Variants in SLC35F4 observed in about 807,000 individuals in gnomAD.
The protein encoded by SLC35F4 is chromosome 14 open reading frame 36.
In SLC35F4, 24 loss-of-function variants were observed where a neutral mutation model predicts 44.2. The observed-to-expected ratio is 0.54, with a 90% CI of 0.39 to 0.76. SLC35F4 has a LOEUF of 0.76. SLC35F4 is among the 30% of genes least tolerant of loss of function. The pLI is 0.00. For missense variants in SLC35F4, 562 were observed against 586.1 expected (o/e 0.96, Z 0.42); for synonymous variants, 238 against 223.6 (o/e 1.06, Z -0.57).
At chr14:57,827,052 T>A (rs1351837079) in intron 1 of SLC35F4, among the ~76,000 whole-genome samples, 2 of 152,168 alleles carry the variant, frequency 1.3e-5, no homozygotes, top group Admixed American at 1.3e-4. Context: ...TAAAGATATA[T>A]GCACACGTAT....
intron 4 of SLC35F4, among the ~76,000 whole-genome samples, chr14:57,576,128 A>G (rs1461614097): frequency 6.6e-6 from 1 of 152,126 alleles, no homozygotes; most frequent in African/African-American, 2.4e-5. Flanking sequence ...GGTTTTCACA[A>G]TTCTTATTTG....
chr14:57,789,065 A>T lies in SLC35F4; in HGVS notation c.103+76658T>A, dbSNP rs550986870. Among the ~76,000 whole-genome samples, 20 of 152,326 alleles carry T rather than the reference A, an allele frequency of 1.3e-4. No individual in the cohort carries two copies. The South Asian group carries it at 3.9e-3, about 30-fold the overall frequency. On this transcript the variant is annotated intron_variant, in intron 1 of 7. Transcript: ENST00000556826. ...ATGCCTACATGAGAAAGTGGGACAG[A>T]TCTAAAATCGACAACCTAACATCAC... is the stretch of plus-strand genomic sequence containing the variant.
intron 1 of SLC35F4, among the ~76,000 whole-genome samples, chr14:57,623,441 A>G (rs1007625668): frequency 2.0e-5 from 3 of 152,236 alleles, no homozygotes; most frequent in African/African-American, 7.2e-5. Flanking sequence ...ACTTGAACTC[A>G]GCTCTGGACC....
chr14:57,671,921 C>G (rs963788130), intron 1 of SLC35F4, among the ~76,000 whole-genome samples: 1 of 151,916 alleles, frequency 6.6e-6, no homozygotes, highest in Non-Finnish European at 1.5e-5. Flanking sequence ...ACATTTTTTT[C>G]TTGGTTTCTT....
intron 1 of SLC35F4, among the ~76,000 whole-genome samples, chr14:57,686,217 G>A (rs1566762537): frequency 6.6e-6 from 1 of 152,168 alleles, no homozygotes; most frequent in Non-Finnish European, 1.5e-5. Context: ...AATCTATTAA[G>A]AGATGAAAAT....
chr14:57,623,168 T>C (rs1373683488), intron 1 of SLC35F4, among the ~76,000 whole-genome samples: 2 of 152,078 alleles, frequency 1.3e-5, no homozygotes, highest in East Asian at 1.9e-4. Context: ...TCCTATTCTC[T>C]GAAAAAACCC....
intron 1 of SLC35F4, among the ~76,000 whole-genome samples, chr14:57,813,604 A>C (rs1395129382): frequency 6.6e-6 from 1 of 152,204 alleles, no homozygotes; most frequent in Admixed American, 6.5e-5. Context: ...CCTTATAAAA[A>C]GTATTTTATA....
chr14:57,571,948 G>A lies in SLC35F4; in HGVS notation c.879C>T (p.Ser293=). Residue 293 remains serine, a synonymous_variant, in exon 5 of 8, where the codon TCC becomes TCT. Coordinates refer to ENST00000556826, the MANE Select transcript of SLC35F4 (RefSeq NM_001306087.2). The part of the protein sequence containing the change: ...MAYADNFHAD[S]IIGVAFAVGS... ...CCACCGCAAATGCCACTCCTATGAT[G>A]GAATCAGCGTGGAAATTATCTGCAT... 6.2e-7 allele frequency: 1 copy of A among 1,612,552 alleles called. No individual in the cohort carries two copies. The highest frequency in any genetic ancestry group is 8.5e-7 in the Non-Finnish European group (1 of 1,179,254).
chr14:57,901,179 CA>C (rs1888993194), intron 1 of SLC35F4, among the ~76,000 whole-genome samples: 1 of 152,146 alleles, frequency 6.6e-6, no homozygotes, highest in Admixed American at 6.5e-5. Flanking sequence ...GGTATATATC[CA>C]AAGGATTAGA....
At chr14:57,776,004 C>T (rs1007923606) in intron 1 of SLC35F4, among the ~76,000 whole-genome samples, 5 of 152,094 alleles carry the variant, frequency 3.3e-5, no homozygotes, top group African/African-American at 1.2e-4. Context: ...TTTCATAATG[C>T]AACTGCAAGT....
At chr14:57,945,830 T>C (rs1890016119) in intron 1 of SLC35F4, among the ~76,000 whole-genome samples, 1 of 152,188 alleles carries the variant, frequency 6.6e-6, no homozygotes, top group Non-Finnish European at 1.5e-5. Context: ...AAGAGTAAGG[T>C]GGAATCGCAT....
At chr14:57,849,390 G>A (rs1434913331) in intron 1 of SLC35F4, among the ~76,000 whole-genome samples, 1 of 152,104 alleles carries the variant, frequency 6.6e-6, no homozygotes, top group Non-Finnish European at 1.5e-5. Flanking sequence ...TCGTACTCTC[G>A]ACCTCAGGTG....
At chr14:57,875,734 C>T (rs1382540678) in intron 1 of SLC35F4, among the ~76,000 whole-genome samples, 1 of 152,208 alleles carries the variant, frequency 6.6e-6, no homozygotes, top group Non-Finnish European at 1.5e-5. Flanking sequence ...CTTTCATATT[C>T]TATTGGCCAA....
intron 1 of SLC35F4, among the ~76,000 whole-genome samples, chr14:57,643,016 G>T: frequency 6.6e-6 from 1 of 151,736 alleles, no homozygotes; most frequent in Non-Finnish European, 1.5e-5. Flanking sequence ...TAATGGTTTA[G>T]CAAAAATTAT....
At chr14:57,624,386 T>C (rs1173451852) in intron 1 of SLC35F4, among the ~76,000 whole-genome samples, 2 of 152,206 alleles carry the variant, frequency 1.3e-5, no homozygotes, top group Non-Finnish European at 2.9e-5. Context: ...GAGGAGCTGG[T>C]ACCATTCCTT....
At chr14:57,776,691 T>TAAAAAAAAAAAAAA (rs2077498893) in intron 1 of SLC35F4, among the ~76,000 whole-genome samples, 10 of 126,542 alleles carry the variant, frequency 7.9e-5, no homozygotes, top group African/African-American at 3.1e-4. Context: ...AAAAAAAAAT[T>TAAAAAAAAAAAAAA]AAAGGCAGCT....
chr14:57,740,416 T>C (rs528955198), intron 1 of SLC35F4, among the ~76,000 whole-genome samples: 3 of 152,338 alleles, frequency 2.0e-5, no homozygotes, highest in African/African-American at 7.2e-5. Flanking sequence ...CTGGAACTCT[T>C]AAGGTACTTA....
At chr14:57,776,528 T>A (rs886464721) in intron 1 of SLC35F4, among the ~76,000 whole-genome samples, 1 of 150,726 alleles carries the variant, frequency 6.6e-6, no homozygotes, top group African/African-American at 2.4e-5. Context: ...TTGCCAGGAG[T>A]GGTGGCACGC....
intron 1 of SLC35F4, among the ~76,000 whole-genome samples, chr14:57,880,592 A>G (rs1483299852): frequency 2.6e-5 from 4 of 152,352 alleles, no homozygotes; most frequent in African/African-American, 9.6e-5. Flanking sequence ...TAGCACTTTT[A>G]AAACAAAGTT....
Sources: gnomAD v4.1 joint callset for allele counts (sites outside exome capture counted in the v4.1 genomes callset) on GRCh38, gnomAD v4.1.1 for gene constraint, MANE v1.5 for transcripts, NCBI Gene and HGNC (gene_info 2026-07-23, HGNC 2026-07-21) for gene names.